The following IL1R1 variants were observed in gnomAD, a reference collection of about 807,000 sequenced individuals.
IL1R1 encodes interleukin 1 receptor type 1.
Under a neutral mutation model 50.2 loss-of-function variants are expected in IL1R1, and 22 were observed. That is an observed-to-expected ratio of 0.44 (90% CI 0.31 to 0.63). IL1R1 has a LOEUF of 0.63. IL1R1 is among the 20% of genes least tolerant of loss of function. The pLI is 0.07. For missense variants in IL1R1, 509 were observed against 676.2 expected (o/e 0.75, Z 2.74); for synonymous variants, 251 against 236.7 (o/e 1.06, Z -0.55).
At chr2:102,145,014 G>T (rs1682995749) in intron 1 of IL1R1, among the ~76,000 whole-genome samples, 2 of 152,220 alleles carry the variant, frequency 1.3e-5, no homozygotes, top group Non-Finnish European at 2.9e-5. Flanking sequence ...TGCAAGCTGG[G>T]ACATTATGGA....
In IL1R1 at chr2:102,157,732, T is replaced by C; in HGVS notation, c.8T>C (p.Val3Ala). The change falls in exon 3 of 12, where the codon GTG becomes GCG. Residue 3 changes from valine to alanine, a missense_variant. Physicochemically the swap from Val to Ala is moderately conservative, Grantham distance 64. Coordinates refer to ENST00000410023, the MANE Select transcript of IL1R1 (RefSeq NM_000877.4). The stretch of plus-strand genomic sequence containing the variant: ...CCATTTCTCCAGAAGAATATGAAAG[T>C]GTTACTCAGACTTATTTGTTTCATA... MK[V>A]LLRLICFIAL... The C allele has an allele frequency of 1.2e-6, 2 of 1,601,734 alleles. No homozygotes were observed. The highest frequency in any genetic ancestry group is 1.7e-6 in the Non-Finnish European group (2 of 1,169,186).
intron 1 of IL1R1, among the ~76,000 whole-genome samples, chr2:102,109,615 C>A (rs1680629661): frequency 6.6e-6 from 1 of 152,208 alleles, no homozygotes; most frequent in African/African-American, 2.4e-5. Context: ...AACAACCCCT[C>A]AACTTGGGGA....
chr2:102,076,904 C>G (rs1009103823), intron 1 of IL1R1, among the ~76,000 whole-genome samples: 3 of 152,028 alleles, frequency 2.0e-5, no homozygotes, highest in Non-Finnish European at 4.4e-5. Context: ...CTCTCATAAT[C>G]CCCCCTTGAG....
intron 1 of IL1R1, among the ~76,000 whole-genome samples, chr2:102,113,068 G>A (rs1411113673): frequency 6.6e-6 from 1 of 152,242 alleles, no homozygotes; most frequent in Non-Finnish European, 1.5e-5. Context: ...CCAGAACTGT[G>A]AGACACAAAT....
chr2:102,129,119 G>C (rs1475380949), intron 1 of IL1R1, among the ~76,000 whole-genome samples: 1 of 152,126 alleles, frequency 6.6e-6, no homozygotes, highest in Non-Finnish European at 1.5e-5. Context: ...GCTGAGGTGA[G>C]AGGAATACTT....
At chr2:102,140,790 G>A (rs1376769608), upstream of IL1R1, among the ~76,000 whole-genome samples, 1 of 152,122 alleles carries the variant, frequency 6.6e-6, no homozygotes, top group Non-Finnish European at 1.5e-5. Flanking sequence ...GCTGAGTGAG[G>A]GAGAAGGTGA....
rs1686185549 is a variant in IL1R1, at chr2:102,176,839, G to T, written c.*80G>T. The T allele has an allele frequency of 7.6e-7, 1 of 1,320,148 alleles. No individual in the cohort carries two copies. Among genetic ancestry groups the T allele is most frequent in the Non-Finnish European group, 1.1e-6 (1 of 939,364 alleles). The allele number at this position is 1,320,148 out of a possible 1,614,324, so 81.8% of individuals were successfully genotyped here. ...GCCAGGTTATGCCTCATGCTGACTT[G>T]CAGAGTTCATGGAATGTAACTATAT... On this transcript the variant is annotated 3_prime_UTR_variant, in exon 12 of 12. Coordinates refer to ENST00000410023, the MANE Select transcript of IL1R1 (RefSeq NM_000877.4).
At chr2:102,127,959 T>C (rs1681817414) in intron 1 of IL1R1, among the ~76,000 whole-genome samples, 1 of 152,232 alleles carries the variant, frequency 6.6e-6, no homozygotes, top group Admixed American at 6.5e-5. Context: ...CAACCTTTTG[T>C]TTCCTTTAAG....
chr2:102,112,869 G>T (rs1455169013), intron 1 of IL1R1, among the ~76,000 whole-genome samples: 1 of 152,192 alleles, frequency 6.6e-6, no homozygotes, highest in East Asian at 1.9e-4. Flanking sequence ...ATGCTTGGGA[G>T]ATTGTTAGGT....
intron 1 of IL1R1, among the ~76,000 whole-genome samples, chr2:102,148,222 C>T (rs1048322445): frequency 1.3e-5 from 2 of 152,144 alleles, no homozygotes; most frequent in African/African-American, 4.8e-5. Flanking sequence ...CTACAGTGGT[C>T]CCCAGCACGC....
chr2:102,090,148 CA>C (rs1418820320), intron 1 of IL1R1, among the ~76,000 whole-genome samples: 1 of 147,088 alleles, frequency 6.8e-6, no homozygotes, highest in Non-Finnish European at 1.5e-5. Flanking sequence ...CTTTTTTTTT[CA>C]ATTTTTTTTT....
At chr2:102,117,393 C>T (rs1681146433) in intron 1 of IL1R1, among the ~76,000 whole-genome samples, 1 of 152,164 alleles carries the variant, frequency 6.6e-6, no homozygotes, top group South Asian at 2.1e-4. Context: ...GTGGGCCTCT[C>T]CCATCAGTGA....
chr2:102,141,701 A>C (rs1256074043), upstream of IL1R1: 3 of 152,252 alleles, frequency 2.0e-5, no homozygotes, highest in Non-Finnish European at 2.9e-5. Flanking sequence ...GAGCCTGCCC[A>C]GTCTGAAAGG....
At chr2:102,089,126 C>T (rs1450774257) in intron 1 of IL1R1, among the ~76,000 whole-genome samples, 3 of 152,210 alleles carry the variant, frequency 2.0e-5, no homozygotes, top group Non-Finnish European at 4.4e-5. Flanking sequence ...ACTTTGCACT[C>T]ACAACTTTTC....
chr2:102,112,345 A>AGT (rs907898846), intron 1 of IL1R1, among the ~76,000 whole-genome samples: 1 of 148,630 alleles, frequency 6.7e-6, no homozygotes, highest in Non-Finnish European at 1.5e-5. Flanking sequence ...TGTGAGTGTG[A>AGT]GTGTGTGTGT....
intron 1 of IL1R1, among the ~76,000 whole-genome samples, chr2:102,116,079 G>C (rs2104380421): frequency 6.6e-6 from 1 of 152,330 alleles, no homozygotes; most frequent in South Asian, 2.1e-4. Flanking sequence ...GGCCCATGTA[G>C]GTTGCATAGT....
At chr2:102,075,014 C>A (rs1424075966) in intron 1 of IL1R1, among the ~76,000 whole-genome samples, 1 of 151,778 alleles carries the variant, frequency 6.6e-6, no homozygotes, top group Non-Finnish European at 1.5e-5. Flanking sequence ...TACATATAAA[C>A]GTGTGTTATG....
intron 1 of IL1R1, among the ~76,000 whole-genome samples, chr2:102,076,180 CTTT>C (rs66517619): frequency 1.7e-4 from 19 of 115,056 alleles, no homozygotes; most frequent in Admixed American, 2.6e-4. Flanking sequence ...GCTTCGTATT[CTTT>C]TTTTTTTTTT....
intron 1 of IL1R1, among the ~76,000 whole-genome samples, chr2:102,136,641 G>T (rs1577929045): frequency 6.6e-6 from 1 of 152,202 alleles, no homozygotes; most frequent in African/African-American, 2.4e-5. Context: ...CTCCCAAAGT[G>T]CTGGGATTAC....
Sources: gnomAD v4.1 joint callset for allele counts (sites outside exome capture counted in the v4.1 genomes callset) on GRCh38, gnomAD v4.1.1 for gene constraint, MANE v1.5 for transcripts, NCBI Gene and HGNC (gene_info 2026-07-23, HGNC 2026-07-21) for gene names.